Variants in GPC6 observed in about 807,000 individuals in gnomAD.
GPC6 encodes the protein glypican 6.
Under a neutral mutation model 55.2 loss-of-function variants are expected in GPC6, and 14 were observed. The observed-to-expected ratio is 0.25, with a 90% confidence interval of 0.17 to 0.40. The LOEUF (loss-of-function observed/expected upper bound fraction) is 0.40. Among genes scored for constraint, GPC6 ranks in the 10% least tolerant of loss-of-function variants. The probability of loss-of-function intolerance (pLI) is 1.00; values close to 1 mark genes in which losing one functional copy is unlikely to be tolerated. For synonymous variants in GPC6, 278 were observed against 259.6 expected, an observed-to-expected ratio of 1.07 and a Z score of -0.68; for missense variants, 641 against 708.5, an observed-to-expected ratio of 0.90 and a Z score of 1.08.
intron 2 of GPC6, among the ~76,000 whole-genome samples, chr13:93,776,626 AAG>A (rs1224803313): frequency 2.6e-5 from 4 of 152,210 alleles, no homozygotes; most frequent in African/African-American, 9.6e-5. Context: ...GAAAGAAAGA[AAG>A]AATATATTTT....
chr13:93,667,735 GTTTTTT>G (rs71126408), intron 2 of GPC6, among the ~76,000 whole-genome samples: 3 of 123,168 alleles, frequency 2.4e-5, no homozygotes, highest in African/African-American at 1.1e-4. Context: ...GCCAGGACTT[GTTTTTT>G]TTTTTTTCTG....
intron 2 of GPC6, among the ~76,000 whole-genome samples, chr13:93,791,356 T>A (rs1012926125): frequency 6.6e-6 from 1 of 152,234 alleles, no homozygotes; most frequent in African/African-American, 2.4e-5. Flanking sequence ...AAACTTTTGT[T>A]CAAATCAGGA....
At chr13:93,509,221 G>A (rs1011042865) in intron 1 of GPC6, among the ~76,000 whole-genome samples, 1 of 152,212 alleles carries the variant, frequency 6.6e-6, no homozygotes, top group African/African-American at 2.4e-5. Context: ...ACCTTCCAAT[G>A]TAAAGATTTA....
chr13:93,976,307 A>G (rs1016171228), intron 3 of GPC6, among the ~76,000 whole-genome samples: 1 of 145,154 alleles, frequency 6.9e-6, no homozygotes, highest in Non-Finnish European at 1.5e-5. Context: ...TAGCCCTTCT[A>G]TGTCTTAAAG....
At chr13:94,324,308 C>T (rs1265168588) in intron 6 of GPC6, among the ~76,000 whole-genome samples, 1 of 140,018 alleles carries the variant, frequency 7.1e-6, no homozygotes, top group African/African-American at 2.7e-5. Flanking sequence ...TCTATGAAAG[C>T]CTTAAAAAAA....
intron 1 of GPC6, among the ~76,000 whole-genome samples, chr13:93,308,671 A>T (rs1201831207): frequency 6.6e-6 from 1 of 152,208 alleles, no homozygotes; most frequent in African/African-American, 2.4e-5. Flanking sequence ...CGAACTCCTG[A>T]CTTCAAGTGA....
intron 1 of GPC6, among the ~76,000 whole-genome samples, chr13:93,433,680 G>A (rs1220978621): frequency 6.6e-6 from 1 of 152,136 alleles, no homozygotes; most frequent in African/African-American, 2.4e-5. Context: ...ATTGAATAAA[G>A]TGAGAGAGAA....
Position 93,551,320 on chromosome 13 carries a change from A to C in GPC6, c.319+5899A>C, listed in dbSNP as rs11839136. 9.6e-3 allele frequency among the ~76,000 whole-genome samples: 1,427 copies of C among 148,498 alleles called. 27 individuals are homozygous for C. The highest frequency in any genetic ancestry group is 0.033 in the African/African-American group (1,363 of 40,806). ...TACTGTTTTCTAACAAAAAAAAAAA[A>C]ACACAATTTCAGGGCATAAACAAGA... On this transcript the variant is annotated intron_variant, in intron 2 of 8. Transcript: ENST00000377047.
intron 1 of GPC6, among the ~76,000 whole-genome samples, chr13:93,345,624 T>C (rs1383501190): frequency 1.3e-5 from 2 of 152,332 alleles, no homozygotes; most frequent in East Asian, 1.9e-4. Context: ...GAGTCATTCA[T>C]TGGAGTTTCA....
intron 3 of GPC6, among the ~76,000 whole-genome samples, chr13:93,903,469 A>G (rs1365476978): frequency 1.3e-5 from 2 of 152,132 alleles, no homozygotes; most frequent in African/African-American, 4.8e-5. Context: ...TCAAGTGCAA[A>G]TTATTTCTAC....
intron 3 of GPC6, among the ~76,000 whole-genome samples, chr13:93,887,048 A>G (rs1017414643): frequency 6.6e-6 from 1 of 152,042 alleles, no homozygotes; most frequent in African/African-American, 2.4e-5. Flanking sequence ...CCAAATGTTT[A>G]GACACTGGAT....
chr13:93,325,906 CT>C (rs1164577725), intron 1 of GPC6, among the ~76,000 whole-genome samples: 1 of 152,060 alleles, frequency 6.6e-6, no homozygotes, highest in Admixed American at 6.6e-5. Flanking sequence ...AGGGCCCTGC[CT>C]GCATGGTTAC....
intron 2 of GPC6, among the ~76,000 whole-genome samples, chr13:93,697,695 T>A (rs1228947122): frequency 6.6e-6 from 1 of 152,176 alleles, no homozygotes; most frequent in East Asian, 1.9e-4. Context: ...TAACAAATAA[T>A]GTTATGACTA....
intron 2 of GPC6, among the ~76,000 whole-genome samples, chr13:93,650,848 C>G (rs2139598535): frequency 6.8e-6 from 1 of 147,744 alleles, no homozygotes; most frequent in East Asian, 1.9e-4. Flanking sequence ...TCAGACCTGT[C>G]ATCGTTTTCC....
At chr13:93,228,959 G>A (rs778447834) in intron 1 of GPC6, among the ~76,000 whole-genome samples, 20 of 152,114 alleles carry the variant, frequency 1.3e-4, no homozygotes, top group Non-Finnish European at 2.8e-4. Context: ...CATTGGCAAA[G>A]GGGGAAAAAA....
intron 1 of GPC6, among the ~76,000 whole-genome samples, chr13:93,255,817 T>C (rs1876932148): frequency 1.3e-5 from 2 of 152,130 alleles, no homozygotes; most frequent in South Asian, 4.1e-4. Context: ...CCATAATAAA[T>C]AGTAAATACA....
chr13:93,835,644 T>C (rs111451568), intron 3 of GPC6, among the ~76,000 whole-genome samples: 5,922 of 152,040 alleles, frequency 0.039, 157 homozygotes, highest in African/African-American at 0.066. Flanking sequence ...CCCAGCTACT[T>C]GGGAGGCTGA....
chr13:93,674,726 T>C (rs1243387453), intron 2 of GPC6, among the ~76,000 whole-genome samples: 1 of 152,104 alleles, frequency 6.6e-6, no homozygotes. Context: ...ACCATTCAGG[T>C]TGTGTGATGT....
At chr13:94,018,784 C>T (rs1346418810) in intron 3 of GPC6, among the ~76,000 whole-genome samples, 1 of 152,164 alleles carries the variant, frequency 6.6e-6, no homozygotes, top group Admixed American at 6.5e-5. Flanking sequence ...ACCTGAACTC[C>T]ACCTCCTGTC....
Sources: allele counts gnomAD v4.1 joint callset (sites outside exome capture counted in the v4.1 genomes callset), GRCh38; gene constraint gnomAD v4.1.1; transcripts MANE v1.5; gene names NCBI Gene and HGNC (gene_info 2026-07-23, HGNC 2026-07-21).